COTL1: variants seen among roughly 807,000 people sequenced by gnomAD.
COTL1 encodes the protein coactosin like F-actin binding protein 1.
COTL1 carries 15 observed loss-of-function variants against 16.5 expected under a neutral mutation model. The ratio of observed to expected loss-of-function variants is 0.91; its 90% CI spans 0.61 to 1.40. The LOEUF (loss-of-function observed/expected upper bound fraction) is 1.40. COTL1 is among the 40% of genes most tolerant of loss of function. The pLI is 0.00. For missense variants in COTL1, 220 were observed against 201.5 expected, an observed-to-expected ratio of 1.09 and a Z score of -0.56; for synonymous variants, 112 against 85.3, an observed-to-expected ratio of 1.31 and a Z score of -1.73.
At chr16:84,600,902 C>G (rs554917411) in intron 2 of COTL1, among the ~76,000 whole-genome samples, 1 of 152,192 alleles carries the variant, frequency 6.6e-6, no homozygotes, top group South Asian at 2.1e-4. Flanking sequence ...AAACCGAGAG[C>G]TAAAGGTTTT....
intron 2 of COTL1, among the ~76,000 whole-genome samples, chr16:84,601,924 C>T (rs538950689): frequency 1.6e-4 from 24 of 152,256 alleles, no homozygotes; most frequent in Admixed American, 8.5e-4. Flanking sequence ...TCTCTTTTTC[C>T]GACTCACCAC....
At chr16:84,578,788 C>A (rs996445055) in intron 3 of COTL1, among the ~76,000 whole-genome samples, 3 of 151,744 alleles carry the variant, frequency 2.0e-5, no homozygotes, top group African/African-American at 4.8e-5. Flanking sequence ...CATACACACA[C>A]AGACACACAG....
chr16:84,586,987 C>T (rs1904748922), intron 3 of COTL1, among the ~76,000 whole-genome samples: 2 of 152,204 alleles, frequency 1.3e-5, no homozygotes, highest in South Asian at 4.1e-4. Flanking sequence ...CCCCCTCCCT[C>T]TGCTCCCTTT....
intron 3 of COTL1, among the ~76,000 whole-genome samples, chr16:84,586,165 A>T (rs1029422474): frequency 6.6e-6 from 1 of 152,194 alleles, no homozygotes; most frequent in African/African-American, 2.4e-5. Flanking sequence ...GCCTGACGCC[A>T]ACCCCAGAGA....
In COTL1 at chr16:84,565,871, C is replaced by T. The variant is rs1338762246; in HGVS notation, c.*974G>A. 2 of 152,306 alleles carry T rather than the reference C, an allele frequency of 1.3e-5. No individual in the cohort carries two copies. Among genetic ancestry groups the T allele is most frequent in the Non-Finnish European group, 2.9e-5 (2 of 68,078 alleles). The allele number at this position is 152,306 out of a possible 1,614,324, so 9.4% of individuals were successfully genotyped here. ...TGAGCCCAGGGCTTTGCTCAGCTCACAGCTAGCGCGGCGGGCAGAGCAACC... is the reference window on the plus strand; with the variant it reads ...TGAGCCCAGGGCTTTGCTCAGCTCATAGCTAGCGCGGCGGGCAGAGCAACC... On this transcript the variant is annotated 3_prime_UTR_variant, in exon 4 of 4. Coordinates refer to ENST00000262428, the MANE Select transcript of COTL1 (RefSeq NM_021149.5).
At chr16:84,585,961 T>G (rs1904721537) in intron 3 of COTL1, among the ~76,000 whole-genome samples, 1 of 152,180 alleles carries the variant, frequency 6.6e-6, no homozygotes, top group Non-Finnish European at 1.5e-5. Flanking sequence ...CTCTAACAAC[T>G]GGGATCACGC....
chr16:84,606,734 C>T (rs1234177877), intron 2 of COTL1, among the ~76,000 whole-genome samples: 1 of 152,214 alleles, frequency 6.6e-6, no homozygotes, highest in African/African-American at 2.4e-5. Flanking sequence ...AAGGACCCCT[C>T]AACCAATGGG....
chr16:84,581,140 T>G (rs1904579834), intron 3 of COTL1, among the ~76,000 whole-genome samples: 1 of 41,424 alleles, frequency 2.4e-5, no homozygotes, highest in Admixed American at 3.3e-4. Flanking sequence ...AGATTCCATC[T>G]AAAAACAAAC....
At chr16:84,593,769 G>A (rs948695465) in intron 2 of COTL1, among the ~76,000 whole-genome samples, 2 of 152,156 alleles carry the variant, frequency 1.3e-5, no homozygotes, top group African/African-American at 2.4e-5. Context: ...AAAGTGCTGG[G>A]ATTACAAGCG....
At chr16:84,589,452 C>T (rs535718073) in intron 3 of COTL1, among the ~76,000 whole-genome samples, 87 of 152,218 alleles carry the variant, frequency 5.7e-4, no homozygotes, top group Non-Finnish European at 1.0e-3. Flanking sequence ...AGTTTAAAGG[C>T]GCAGTAAGAG....
intron 3 of COTL1, among the ~76,000 whole-genome samples, chr16:84,581,978 CTTTTTT>C (rs11332563): frequency 0.047 from 3,115 of 65,864 alleles, 96 homozygotes; most frequent in African/African-American, 0.13. Flanking sequence ...TACATTTCTT[CTTTTTT>C]TTTTTTTTTT....
rs371902986 is a variant in COTL1 at position 84,589,744 on chromosome 16, G to A, written c.318+361C>T. Reference sequence around the variant, plus strand: ...AAATGAATTCTCCCACGGGATCCTTGCGACCACCGCCGACAGTCAGCCAGG... The same window carrying A: ...AAATGAATTCTCCCACGGGATCCTTACGACCACCGCCGACAGTCAGCCAGG... On this transcript the variant is annotated intron_variant, in intron 3 of 3. Coordinates refer to ENST00000262428, the MANE Select transcript of COTL1 (RefSeq NM_021149.5). Among the ~76,000 whole-genome samples, 6 of 152,050 alleles carry A rather than the reference G, an allele frequency of 3.9e-5. No homozygotes were observed. The East Asian group carries it at 7.7e-4, about 20-fold the overall frequency.
At chr16:84,576,665 C>G (rs1044929298) in intron 3 of COTL1, 3 of 152,212 alleles carry the variant, frequency 2.0e-5, no homozygotes, top group African/African-American at 7.2e-5. Context: ...CCAGCCTTTC[C>G]CCACCAGTCA....
At chr16:84,610,748 C>T (rs1393951569) in intron 2 of COTL1, among the ~76,000 whole-genome samples, 2 of 152,090 alleles carry the variant, frequency 1.3e-5, no homozygotes, top group East Asian at 1.9e-4. Flanking sequence ...ACATCAATCT[C>T]TACATCTCTC....
intron 2 of COTL1, among the ~76,000 whole-genome samples, chr16:84,614,676 G>C (rs1905425585): frequency 6.6e-6 from 1 of 152,128 alleles, no homozygotes; most frequent in African/African-American, 2.4e-5. Context: ...AAGTCTGCTG[G>C]CCACCTTGTG....
At chr16:84,572,132 C>A (rs1420094587) in intron 3 of COTL1, among the ~76,000 whole-genome samples, 1 of 152,264 alleles carries the variant, frequency 6.6e-6, no homozygotes, top group Admixed American at 6.5e-5. Flanking sequence ...GGGGAGTGGG[C>A]TTCATTGCAT....
chr16:84,617,616 C>G (rs968662845), intron 1 of COTL1, 33 bp from the exon 2 acceptor site: 2 of 1,540,694 alleles, frequency 1.3e-6, no homozygotes, highest in South Asian at 2.4e-5. Context: ...AACACACACA[C>G]ACATCAGCGC....
intron 3 of COTL1, among the ~76,000 whole-genome samples, chr16:84,588,874 CCAT>C (rs1270629687): frequency 6.6e-6 from 1 of 152,166 alleles, no homozygotes; most frequent in African/African-American, 2.4e-5. Context: ...TGTGCAACCA[CCAT>C]GATAGTCAAT....
At chr16:84,586,984 C>T (rs142676991) in intron 3 of COTL1, among the ~76,000 whole-genome samples, 75 of 152,314 alleles carry the variant, frequency 4.9e-4, no homozygotes, top group Non-Finnish European at 7.9e-4. Context: ...GAGCCCCCTC[C>T]CTCTGCTCCC....
Sources: gnomAD v4.1 joint callset for allele counts (sites outside exome capture counted in the v4.1 genomes callset) on GRCh38, gnomAD v4.1.1 for gene constraint, MANE v1.5 for transcripts, NCBI Gene and HGNC (gene_info 2026-07-23, HGNC 2026-07-21) for gene names.